The following CAMTA1 variants were observed in gnomAD, a reference collection of about 807,000 sequenced individuals.
CAMTA1 encodes calmodulin-binding transcription activator 1.
Under a neutral mutation model 170.9 loss-of-function variants are expected in CAMTA1, and 27 were observed. The ratio of observed to expected loss-of-function variants is 0.16; its 90% CI spans 0.12 to 0.22. The LOEUF is 0.22. Among genes scored for constraint, CAMTA1 ranks in the 10% least tolerant of loss-of-function variants. CAMTA1 has a pLI of 1.00. For missense variants in CAMTA1, 1,619 were observed against 2,217.2 expected (o/e 0.73, Z 5.42); for synonymous variants, 833 against 891.5 (o/e 0.93, Z 1.17).
intron 6 of CAMTA1, among the ~76,000 whole-genome samples, chr1:7,505,747 A>C (rs1451839553): frequency 6.6e-6 from 1 of 152,196 alleles, no homozygotes; most frequent in Non-Finnish European, 1.5e-5. Context: ...GGGGGACACC[A>C]CAGTCCGCTG....
rs113563968 is a variant in CAMTA1, at chr1:7,224,630, T to C, written c.303-24861T>C. On this transcript the variant is annotated intron_variant, in intron 4 of 22. Transcript: ENST00000303635. This position sits in a 1 kb window ranked among gnomAD's most constrained non-coding sequence, Gnocchi z 5.2. ...GAATTCCGTCCCTGCTCAAGCGGGG[T>C]CCCAGGTTGGAGGCGTGACACCCGC... 0.022 allele frequency among the ~76,000 whole-genome samples: 3,281 copies of C among 152,252 alleles called. 68 individuals carry two copies. Among genetic ancestry groups the C allele is most frequent in the East Asian group, 0.096 (496 of 5,182 alleles).
chr1:6,865,637 A>T (rs542268011), intron 3 of CAMTA1, among the ~76,000 whole-genome samples: 27 of 152,364 alleles, frequency 1.8e-4, no homozygotes, highest in African/African-American at 6.5e-4. Context: ...TAGTAATCAC[A>T]GAACTAATGG....
At chr1:6,959,821 C>A (rs890063923) in intron 3 of CAMTA1, among the ~76,000 whole-genome samples, 1 of 152,128 alleles carries the variant, frequency 6.6e-6, no homozygotes, top group Admixed American at 6.5e-5. Context: ...AGATTCAGGT[C>A]TGGCCTTCTG....
intron 3 of CAMTA1, among the ~76,000 whole-genome samples, chr1:7,058,611 G>C (rs533613198): frequency 1.2e-4 from 18 of 152,284 alleles, no homozygotes; most frequent in African/African-American, 4.3e-4. Flanking sequence ...GGGTGCCTCT[G>C]TGGGGTGTTG....
At chr1:7,225,403 C>G (rs866803157) in intron 4 of CAMTA1, among the ~76,000 whole-genome samples, 3 of 152,160 alleles carry the variant, frequency 2.0e-5, no homozygotes, top group African/African-American at 4.8e-5. Flanking sequence ...CTTTTATTAC[C>G]CAGAAAGACC....
chr1:7,674,095 G>A lies in CAMTA1; in HGVS notation c.2779+3058G>A, dbSNP rs890369753. ...CCTCACCAAAAAGAGAGGCTCAGAG[G>A]CTTATGAGCACAAGCCAGGAACGAC... On this transcript the variant is annotated intron_variant, in intron 10 of 22. Transcript: ENST00000303635. The surrounding 1 kb of genome is among the most constrained non-coding windows in gnomAD (Gnocchi z 4.1). Among the ~76,000 whole-genome samples the A allele has an allele frequency of 6.6e-6, 1 of 152,196 alleles. No individual in the cohort carries two copies. The highest frequency in any genetic ancestry group is 1.9e-4 in the East Asian group (1 of 5,186).
intron 5 of CAMTA1, among the ~76,000 whole-genome samples, chr1:7,279,871 A>G (rs999018990): frequency 1.3e-5 from 2 of 152,110 alleles, no homozygotes; most frequent in African/African-American, 4.8e-5. Context: ...TCTAGACCAA[A>G]AAAAAAGAAC....
intron 3 of CAMTA1, among the ~76,000 whole-genome samples, chr1:7,015,193 C>T (rs1700354577): frequency 6.6e-6 from 1 of 152,126 alleles, no homozygotes; most frequent in South Asian, 2.1e-4. Context: ...GCATGGGCCT[C>T]CCTCCATGGT....
At position 7,496,426 on chromosome 1, in the gene CAMTA1, G is replaced by A. The variant is rs557257509; in HGVS notation, c.510+28525G>A. On this transcript the variant is annotated intron_variant, in intron 6 of 22. Transcript: ENST00000303635. ...GAGACTGTGGGGAGGGGCAAGTCCC[G>A]TGTGCACTGTCTGTGTCCCCCAACC... 6.6e-5 allele frequency among the ~76,000 whole-genome samples: 10 copies of A among 152,232 alleles called. No homozygotes were observed. In the South Asian group the frequency reaches 1.5e-3, roughly 22 times the overall value.
chr1:7,338,692 G>A (rs1574783518), intron 5 of CAMTA1, among the ~76,000 whole-genome samples: 2 of 152,184 alleles, frequency 1.3e-5, no homozygotes, highest in African/African-American at 4.8e-5. Flanking sequence ...GTAGGATAAG[G>A]TGATGAAACT....
chr1:7,645,804 G>A (rs1299620430), intron 7 of CAMTA1, among the ~76,000 whole-genome samples: 2 of 152,258 alleles, frequency 1.3e-5, no homozygotes, highest in Non-Finnish European at 2.9e-5. Context: ...CAGGGCCTAC[G>A]CCCACACCAC....
intron 4 of CAMTA1, among the ~76,000 whole-genome samples, chr1:7,188,184 T>C (rs1372677497): frequency 6.6e-6 from 1 of 152,022 alleles, no homozygotes; most frequent in Non-Finnish European, 1.5e-5. Flanking sequence ...TCCAATCACC[T>C]CCCACCAGTC....
chr1:7,289,690 G>T (rs1457105032), intron 5 of CAMTA1, among the ~76,000 whole-genome samples: 1 of 152,132 alleles, frequency 6.6e-6, no homozygotes, highest in East Asian at 1.9e-4. Flanking sequence ...CTAATGACTG[G>T]TGTCCTTAGA....
intron 4 of CAMTA1, among the ~76,000 whole-genome samples, chr1:7,242,771 A>AAAATAAAATAAATAAAT (rs531520105): frequency 6.9e-6 from 1 of 145,560 alleles, no homozygotes; most frequent in African/African-American, 2.6e-5. Context: ...TACTGAAAAT[A>AAAATAAAATAAATAAAT]AAATAAATAA....
At chr1:6,845,270 G>C (rs879766113) in intron 3 of CAMTA1, among the ~76,000 whole-genome samples, 1 of 152,216 alleles carries the variant, frequency 6.6e-6, no homozygotes, top group Non-Finnish European at 1.5e-5. Context: ...AAGGCCGGCA[G>C]TTGGGGGAAA....
At chr1:7,583,276 G>T (rs2095277613) in intron 6 of CAMTA1, among the ~76,000 whole-genome samples, 1 of 151,798 alleles carries the variant, frequency 6.6e-6, no homozygotes, top group Non-Finnish European at 1.5e-5. Flanking sequence ...TGTGGAAGGG[G>T]TGCAGAGACT....
intron 3 of CAMTA1, among the ~76,000 whole-genome samples, chr1:6,985,313 G>A (rs932920226): frequency 1.3e-5 from 2 of 152,228 alleles, no homozygotes; most frequent in Non-Finnish European, 2.9e-5. Flanking sequence ...AATGGGAGGA[G>A]CTGGCATCTG....
chr1:7,725,989 C>T (rs1037203819), intron 11 of CAMTA1, among the ~76,000 whole-genome samples: 1 of 152,148 alleles, frequency 6.6e-6, no homozygotes, highest in African/African-American at 2.4e-5. Context: ...GGCCTCTAGC[C>T]GGGAACAGGC....
intron 9 of CAMTA1, among the ~76,000 whole-genome samples, chr1:7,668,408 C>CACACACACACAT (rs2096020669): frequency 1.4e-5 from 2 of 146,612 alleles, no homozygotes; most frequent in African/African-American, 5.1e-5. Context: ...CACACACACA[C>CACACACACACAT]ACACACACAC....
Sources: allele counts gnomAD v4.1 joint callset (sites outside exome capture counted in the v4.1 genomes callset), GRCh38; gene constraint gnomAD v4.1.1; non-coding constraint Gnocchi (gnomAD v3.1); transcripts MANE v1.5; gene names NCBI Gene and HGNC (gene_info 2026-07-23, HGNC 2026-07-21).